LYPD6: variants seen among roughly 807,000 people sequenced by gnomAD.
LYPD6 encodes the protein ly6/PLAUR domain-containing protein 6.
LYPD6 carries 15 observed loss-of-function variants against 22.7 expected under a neutral mutation model. That is an observed-to-expected ratio of 0.66 (90% CI 0.44 to 1.02). LYPD6 has a LOEUF of 1.02. LYPD6 is among the 50% of genes least tolerant of loss of function. The probability of loss-of-function intolerance (pLI) is 0.00; values close to 1 mark genes in which losing one functional copy is unlikely to be tolerated. For synonymous variants in LYPD6, 72 were observed against 77.5 expected, an observed-to-expected ratio of 0.93 and a Z score of 0.37; for missense variants, 189 against 208.4, an observed-to-expected ratio of 0.91 and a Z score of 0.57.
At chr2:149,443,839 G>T (rs1683621412) in intron 2 of LYPD6, among the ~76,000 whole-genome samples, 1 of 150,760 alleles carries the variant, frequency 6.6e-6, no homozygotes, top group South Asian at 2.1e-4. Context: ...CAAATTTTTT[G>T]GTCTCCTTGT....
At chr2:149,444,826 T>C (rs1358701561) in intron 2 of LYPD6, among the ~76,000 whole-genome samples, 57 of 152,226 alleles carry the variant, frequency 3.7e-4, no homozygotes, top group Non-Finnish European at 4.4e-5. Flanking sequence ...TCTGTGATGG[T>C]TGGAATCGTG....
At chr2:149,450,329 G>A (rs1220441778) in intron 3 of LYPD6, among the ~76,000 whole-genome samples, 1 of 151,914 alleles carries the variant, frequency 6.6e-6, no homozygotes, top group Non-Finnish European at 1.5e-5. Flanking sequence ...GTTGTCAGGT[G>A]ATGAGTTAAG....
chr2:149,344,952 G>A (rs1681226974), intron 1 of LYPD6, among the ~76,000 whole-genome samples: 1 of 152,158 alleles, frequency 6.6e-6, no homozygotes, highest in South Asian at 2.1e-4. Flanking sequence ...GCAGGCTGAG[G>A]CAGGAGTATG....
the LYPD6 span, among the ~76,000 whole-genome samples, chr2:149,482,988 G>A: frequency 0.06 from 9,191 of 152,240 alleles, 684 homozygotes; most frequent in African/African-American, 0.18. Flanking sequence ...CTGCAGACAC[G>A]GGACTCCAAA....
At chr2:149,378,209 C>T (rs144357980) in intron 1 of LYPD6, among the ~76,000 whole-genome samples, 2 of 152,236 alleles carry the variant, frequency 1.3e-5, no homozygotes, top group African/African-American at 4.8e-5. Context: ...CTCAACCTTC[C>T]CTGGCTTAGG....
At chr2:149,395,026 A>G (rs933889572) in intron 1 of LYPD6, among the ~76,000 whole-genome samples, 1 of 152,270 alleles carries the variant, frequency 6.6e-6, no homozygotes. Flanking sequence ...TACCTCATGG[A>G]CTGCCCTTCC....
At chr2:149,407,812 G>C (rs1236148065) in intron 1 of LYPD6, among the ~76,000 whole-genome samples, 1 of 152,124 alleles carries the variant, frequency 6.6e-6, no homozygotes, top group South Asian at 2.1e-4. Context: ...AGGCACTCTG[G>C]TTTTTAGAGT....
intron 1 of LYPD6, among the ~76,000 whole-genome samples, chr2:149,426,131 AT>A (rs1339690455): frequency 6.6e-6 from 1 of 152,080 alleles, no homozygotes; most frequent in South Asian, 2.1e-4. Context: ...GGCTGTTTGA[AT>A]TTTTTTTCTT....
intron 1 of LYPD6, among the ~76,000 whole-genome samples, chr2:149,350,029 G>A (rs952192520): frequency 6.6e-6 from 1 of 152,150 alleles, no homozygotes; most frequent in Non-Finnish European, 1.5e-5. Flanking sequence ...AGGTGCATGA[G>A]TATTTTAACG....
chr2:149,371,911 C>T (rs542251347), intron 1 of LYPD6, among the ~76,000 whole-genome samples: 106 of 152,162 alleles, frequency 7.0e-4, no homozygotes, highest in African/African-American at 2.5e-3. Context: ...ATTGGACCAT[C>T]GAGGGAGCAA....
chr2:149,389,127 T>C (rs1682252260), intron 1 of LYPD6, among the ~76,000 whole-genome samples: 1 of 152,174 alleles, frequency 6.6e-6, no homozygotes, highest in Non-Finnish European at 1.5e-5. Flanking sequence ...AGTTTTGGCT[T>C]TTAAAGACTT....
chr2:149,451,261 A>G (rs1683799820), intron 3 of LYPD6, among the ~76,000 whole-genome samples: 1 of 152,190 alleles, frequency 6.6e-6, no homozygotes, highest in Admixed American at 6.5e-5. Context: ...GGAAGGGAAC[A>G]GACCCACTCC....
chr2:149,471,182 G>C lies in LYPD6; in HGVS notation c.*332G>C, dbSNP rs1017141289. The C allele has an allele frequency of 4.5e-5, 9 of 199,806 alleles. No homozygotes were observed. The highest frequency in any genetic ancestry group is 9.2e-5 in the Non-Finnish European group (9 of 97,402). The allele number at this position is 199,806 out of a possible 1,614,324, so 12.4% of individuals were successfully genotyped here. ...ACATGCATGAGATGCAGTAGGTCCT[G>C]AGACTGTAAGATATTAGGAGTATGT... On this transcript the variant is annotated 3_prime_UTR_variant, in exon 5 of 5. Coordinates refer to ENST00000334166, the MANE Select transcript of LYPD6 (RefSeq NM_194317.5).
intron 1 of LYPD6, among the ~76,000 whole-genome samples, chr2:149,373,389 T>C (rs1681853254): frequency 6.6e-6 from 1 of 152,142 alleles, no homozygotes; most frequent in African/African-American, 2.4e-5. Flanking sequence ...GCAATGAGAA[T>C]GCATGAAATC....
At chr2:149,447,229 G>A in intron 2 of LYPD6, among the ~76,000 whole-genome samples, 1 of 152,308 alleles carries the variant, frequency 6.6e-6, no homozygotes, top group East Asian at 1.9e-4. Context: ...ATTCCTCGGT[G>A]ATCCTCATCT....
intron 1 of LYPD6, among the ~76,000 whole-genome samples, chr2:149,375,910 C>T (rs1573752215): frequency 1.3e-5 from 2 of 152,148 alleles, no homozygotes; most frequent in African/African-American, 2.4e-5. Flanking sequence ...TACAGAATTG[C>T]GAATCTGATT....
intron 3 of LYPD6, among the ~76,000 whole-genome samples, chr2:149,458,833 A>G (rs1001483528): frequency 6.6e-6 from 1 of 152,236 alleles, no homozygotes; most frequent in Admixed American, 6.5e-5. Flanking sequence ...GGAAGGAACA[A>G]AGGGAAGAAT....
rs188135902 is a variant in LYPD6 at position 149,372,731 on chromosome 2, G to A, written c.-72+42009G>A. 1.6e-3 allele frequency among the ~76,000 whole-genome samples: 240 copies of A among 152,336 alleles called. 1 individual carries two copies. Among genetic ancestry groups the A allele is most frequent in the Admixed American group, 3.6e-3 (55 of 15,302 alleles). On this transcript the variant is annotated intron_variant, in intron 1 of 4. Coordinates refer to ENST00000334166, the MANE Select transcript of LYPD6 (RefSeq NM_194317.5). ...CATTGTAATAAAGGCTAGGATAGTAGATTCCTGTGAAGAGGGTGGGGATGG... is the reference window on the plus strand; with the variant it reads ...CATTGTAATAAAGGCTAGGATAGTAAATTCCTGTGAAGAGGGTGGGGATGG...
chr2:149,421,171 A>T (rs1683069881), intron 1 of LYPD6, among the ~76,000 whole-genome samples: 1 of 152,032 alleles, frequency 6.6e-6, no homozygotes. Flanking sequence ...CAAGGCGGGC[A>T]GATCACTTGA....
Sources: gnomAD v4.1 joint callset for allele counts (sites outside exome capture counted in the v4.1 genomes callset) on GRCh38, gnomAD v4.1.1 for gene constraint, MANE v1.5 for transcripts, NCBI Gene and HGNC (gene_info 2026-07-23, HGNC 2026-07-21) for gene names.